The following NARS2 variants were observed in gnomAD, a reference collection of about 807,000 sequenced individuals.
NARS2 encodes the protein asparaginyl-tRNA synthetase 2, mitochondrial, also known as asparaginyl-tRNA synthetase.
Under a neutral mutation model 62.9 loss-of-function variants are expected in NARS2, and 60 were observed. The observed-to-expected ratio is 0.95, with a 90% CI of 0.77 to 1.18. The LOEUF (loss-of-function observed/expected upper bound fraction) is 1.18, where lower values mean the gene tolerates loss of function less well. NARS2 is among the 50% of genes most tolerant of loss of function. NARS2 has a pLI of 0.00. For missense variants in NARS2, 619 were observed against 576.4 expected (o/e 1.07, Z -0.76); for synonymous variants, 196 against 200.0 (o/e 0.98, Z 0.17).
intron 6 of NARS2, among the ~76,000 whole-genome samples, chr11:78,499,584 CTG>C (rs1015672195): frequency 6.6e-6 from 1 of 152,212 alleles, no homozygotes; most frequent in Non-Finnish European, 1.5e-5. Flanking sequence ...TTTTTAAAAA[CTG>C]TCACATATTT....
At chr11:78,520,141 C>T (rs1861061542) in intron 6 of NARS2, among the ~76,000 whole-genome samples, 1 of 152,144 alleles carries the variant, frequency 6.6e-6, no homozygotes, top group Non-Finnish European at 1.5e-5. Flanking sequence ...TGAGAAATTG[C>T]TATATTCTGT....
At chr11:78,529,886 GT>G (rs1861418197) in intron 5 of NARS2, among the ~76,000 whole-genome samples, 1 of 152,168 alleles carries the variant, frequency 6.6e-6, no homozygotes, top group East Asian at 1.9e-4. Context: ...TGTAGTCACT[GT>G]AAAAGCAATA....
At chr11:78,449,535 A>C (rs1480062450) in intron 11 of NARS2, among the ~76,000 whole-genome samples, 1 of 152,092 alleles carries the variant, frequency 6.6e-6, no homozygotes, top group Non-Finnish European at 1.5e-5. Context: ...CAGTGTACCT[A>C]ACTGGTTATA....
chr11:78,453,870 A>G (rs1053111695), intron 11 of NARS2, among the ~76,000 whole-genome samples: 2 of 152,186 alleles, frequency 1.3e-5, no homozygotes, highest in Non-Finnish European at 2.9e-5. Context: ...TGGCTACTAT[A>G]ATGGCTAGCC....
chr11:78,550,823 G>T (rs1856073316), intron 5 of NARS2, among the ~76,000 whole-genome samples: 1 of 152,104 alleles, frequency 6.6e-6, no homozygotes, highest in African/African-American at 2.4e-5. Context: ...ACAGGTTAAA[G>T]GTTATGTAGA....
chr11:78,524,933 C>T (rs767155495), intron 6 of NARS2, among the ~76,000 whole-genome samples: 2 of 152,080 alleles, frequency 1.3e-5, no homozygotes, highest in Non-Finnish European at 2.9e-5. Flanking sequence ...AATTGTGTTA[C>T]CTCCAGGCAA....
At chr11:78,492,983 C>T (rs1859890048) in intron 7 of NARS2, 80 bp downstream of exon 7, 1 of 1,286,594 alleles carries the variant, frequency 7.8e-7, no homozygotes, top group African/African-American at 1.5e-5. Flanking sequence ...ACCTGTAACA[C>T]ATAAACGTCC....
intron 11 of NARS2, among the ~76,000 whole-genome samples, chr11:78,450,847 A>AT (rs1857947903): frequency 6.6e-6 from 1 of 151,542 alleles, no homozygotes; most frequent in South Asian, 2.1e-4. Context: ...GCTAATTTTT[A>AT]TACCTAATTT....
chr11:78,489,594 G>A (rs551838451), intron 7 of NARS2, among the ~76,000 whole-genome samples: 2 of 152,258 alleles, frequency 1.3e-5, no homozygotes, highest in East Asian at 3.9e-4. Flanking sequence ...CATGGACTTT[G>A]GTATCCATAA....
intron 5 of NARS2, among the ~76,000 whole-genome samples, chr11:78,531,177 C>T (rs1861465202): frequency 6.6e-6 from 1 of 151,716 alleles, no homozygotes; most frequent in African/African-American, 2.4e-5. Context: ...TGGGAACTCT[C>T]GAAGAGAGTT....
chr11:78,555,379 CTATT>C (rs1285793597), intron 5 of NARS2: 1 of 152,050 alleles, frequency 6.6e-6, no homozygotes, highest in Non-Finnish European at 1.5e-5. Context: ...GGTTGGTAGA[CTATT>C]TATTATTTAT....
At position 78,566,416 on chromosome 11, in the gene NARS2, C is replaced by T. The variant is rs568385074; in HGVS notation, c.373-144G>A. 3 of 645,470 alleles carry T rather than the reference C, an allele frequency of 4.6e-6. No homozygotes were observed. In the South Asian group the frequency reaches 9.0e-5, roughly 19 times the overall value. 40.0% of individuals were successfully genotyped at this position (645,470 alleles called of 1,614,324 possible). ...ATTTCTTAATATAACTGATTTTAAT[C>T]CACATTATTTCCACCAGGTAAGTGG... is the stretch of plus-strand genomic sequence containing the variant. On this transcript the variant is annotated intron_variant, in intron 3 of 13. Transcript: ENST00000281038.
intron 13 of NARS2, among the ~76,000 whole-genome samples, chr11:78,438,073 A>C (rs1857465936): frequency 6.6e-6 from 1 of 152,056 alleles, no homozygotes; most frequent in South Asian, 2.1e-4. Context: ...ATAAGACGTA[A>C]GCAACATAAC....
chr11:78,459,971 T>C (rs140624748), intron 11 of NARS2, among the ~76,000 whole-genome samples: 13 of 152,262 alleles, frequency 8.5e-5, no homozygotes, highest in African/African-American at 2.9e-4. Flanking sequence ...TCTGAGGAAA[T>C]GGTGATTGAG....
chr11:78,485,914 G>T (rs562256500), intron 7 of NARS2, among the ~76,000 whole-genome samples: 9 of 152,030 alleles, frequency 5.9e-5, no homozygotes, highest in African/African-American at 2.2e-4. Flanking sequence ...TGCTCTTGTC[G>T]CCCAGGCTGG....
chr11:78,451,006 A>G (rs950941073), intron 11 of NARS2, among the ~76,000 whole-genome samples: 14 of 152,106 alleles, frequency 9.2e-5, no homozygotes, highest in African/African-American at 3.4e-4. Context: ...TCCTCCATGT[A>G]ACATTCTTCT....
rs147660053 is a variant in NARS2, at chr11:78,555,624, AAACT to A, written c.594+3911_594+3914del. Among the ~76,000 whole-genome samples the A allele has an allele frequency of 8.1e-4, 124 of 152,236 alleles. 1 individual carries two copies. The highest frequency in any genetic ancestry group is 2.8e-3 in the Admixed American group (43 of 15,288). On this transcript the variant is annotated intron_variant, in intron 5 of 13. Coordinates refer to ENST00000281038, the MANE Select transcript of NARS2 (RefSeq NM_024678.6). ...GTGGCCTATCATCAATTTTTTCAAA[AAACT>A]AACTCCTGGATTTGCTGATATTTTG... is the stretch of plus-strand genomic sequence containing the variant.
intron 6 of NARS2, among the ~76,000 whole-genome samples, chr11:78,497,338 T>G (rs1860104374): frequency 6.6e-6 from 1 of 151,428 alleles, no homozygotes; most frequent in Non-Finnish European, 1.5e-5. Flanking sequence ...TAATATAAAG[T>G]GGTCACTGAT....
chr11:78,455,609 C>G (rs928364846), intron 11 of NARS2, among the ~76,000 whole-genome samples: 2 of 152,118 alleles, frequency 1.3e-5, no homozygotes, highest in African/African-American at 4.8e-5. Context: ...CCTGAGAATA[C>G]TGAGGACAAG....
Sources: allele counts gnomAD v4.1 joint callset (sites outside exome capture counted in the v4.1 genomes callset), GRCh38; gene constraint gnomAD v4.1.1; transcripts MANE v1.5; gene names NCBI Gene and HGNC (gene_info 2026-07-23, HGNC 2026-07-21).